Variants in AGPAT3 observed in about 807,000 individuals in gnomAD.
AGPAT3 encodes 1-acyl-sn-glycerol-3-phosphate acyltransferase gamma.
In AGPAT3, 5 loss-of-function variants were observed where a neutral mutation model predicts 47.3. The observed-to-expected ratio is 0.11, with a 90% confidence interval of 0.06 to 0.22. The LOEUF is 0.22. Ranked by LOEUF, AGPAT3 falls within the 10% of genes least tolerant of loss-of-function variation. AGPAT3 has a pLI of 1.00. For missense variants in AGPAT3, 315 were observed against 493.0 expected (o/e 0.64, Z 3.42); for synonymous variants, 212 against 208.3 (o/e 1.02, Z -0.15).
chr21:43,887,686 G>A (rs892868743), intron 1 of AGPAT3, among the ~76,000 whole-genome samples: 9 of 152,262 alleles, frequency 5.9e-5, no homozygotes, highest in Admixed American at 4.6e-4. Flanking sequence ...ACAGAGTTTC[G>A]CTCTGTCACG....
At chr21:43,935,591 C>T (rs558335780) in intron 2 of AGPAT3, among the ~76,000 whole-genome samples, 41 of 152,338 alleles carry the variant, frequency 2.7e-4, no homozygotes, top group Admixed American at 8.5e-4. Flanking sequence ...GACCTGAGGC[C>T]GGGCCCACAG....
intron 2 of AGPAT3, chr21:43,950,853 T>G (rs1213753755): frequency 6.6e-6 from 1 of 152,262 alleles, no homozygotes; most frequent in Admixed American, 6.5e-5. Context: ...GAGGACCCAA[T>G]GCAGGGCCCG....
intron 1 of AGPAT3, among the ~76,000 whole-genome samples, chr21:43,890,674 A>G (rs570093674): frequency 6.0e-5 from 9 of 150,292 alleles, no homozygotes; most frequent in African/African-American, 2.0e-4. Flanking sequence ...CGGCCTCCCA[A>G]ATTGCTAGGA....
In AGPAT3 at chr21:43,904,406, C is replaced by T. The variant is rs143791221; in HGVS notation, c.-49+387C>T. 4.4e-3 allele frequency among the ~76,000 whole-genome samples: 675 copies of T among 152,334 alleles called. 5 individuals are homozygous for T. The highest frequency in any genetic ancestry group is 0.037 in the Middle Eastern group (11 of 294). On this transcript the variant is annotated intron_variant, in intron 2 of 9. Transcript: ENST00000291572. ...TGTTAGCAGCCCAGGAAGTCCACCC[C>T]TCTCCTGGAGACCGACTGGGAGCCG...
At chr21:43,924,478 C>T (rs536051285) in intron 2 of AGPAT3, among the ~76,000 whole-genome samples, 57 of 152,342 alleles carry the variant, frequency 3.7e-4, no homozygotes, top group Non-Finnish European at 7.1e-4. Context: ...GCTTATCACA[C>T]AGCTCCCCAG....
chr21:43,901,435 G>A (rs972574452), intron 1 of AGPAT3, among the ~76,000 whole-genome samples: 2 of 49,816 alleles, frequency 4.0e-5, no homozygotes, highest in Admixed American at 2.6e-4. Context: ...TATGTTCCAC[G>A]TGTTCAATCA....
Position 43,955,246 on chromosome 21 carries a change from A to C in AGPAT3, c.-48-4388A>C. Reference sequence around the variant, plus strand: ...TGTTTGTGAACCTCTAGAAAAGGTAAATTAACCTATAGAGCTGGAAAGCTG... The same window carrying C: ...TGTTTGTGAACCTCTAGAAAAGGTACATTAACCTATAGAGCTGGAAAGCTG... On this transcript the variant is annotated intron_variant, in intron 2 of 9. Coordinates refer to ENST00000291572, the MANE Select transcript of AGPAT3 (RefSeq NM_020132.5). The surrounding 1 kb of genome is among the most constrained non-coding windows in gnomAD (Gnocchi z 4.1). 1 of 1,215,606 alleles carries C rather than the reference A, an allele frequency of 8.2e-7. No homozygotes were observed. Among genetic ancestry groups the C allele is most frequent in the Non-Finnish European group, 1.1e-6 (1 of 946,130 alleles). The allele number at this position is 1,215,606 out of a possible 1,614,324, so 75.3% of individuals were successfully genotyped here.
At chr21:43,891,211 C>T (rs74862850) in intron 1 of AGPAT3, among the ~76,000 whole-genome samples, 1 of 152,218 alleles carries the variant, frequency 6.6e-6, no homozygotes, top group East Asian at 1.9e-4. Flanking sequence ...CCTCTCAAAC[C>T]CTGCAGCTGT....
At position 43,955,163 on chromosome 21, in the gene AGPAT3, CG is replaced by C; in HGVS notation, c.-48-4467del. 7.8e-7 allele frequency: 1 copy of C among 1,275,526 alleles called. No individual in the cohort carries two copies. The highest frequency in any genetic ancestry group is 1.0e-6 in the Non-Finnish European group (1 of 980,218). The allele number at this position is 1,275,526 out of a possible 1,614,324, so 79.0% of individuals were successfully genotyped here. ...CACGGATGCGCCCTGGGTGCTGTCCCGGGGCCGTCTCAGAAGCACCGCGCTG... is the reference window on the plus strand; with the variant it reads ...CACGGATGCGCCCTGGGTGCTGTCCCGGGCCGTCTCAGAAGCACCGCGCTG... On this transcript the variant is annotated intron_variant, in intron 2 of 9. Coordinates refer to ENST00000291572, the MANE Select transcript of AGPAT3 (RefSeq NM_020132.5). This position sits in a 1 kb window ranked among gnomAD's most constrained non-coding sequence, Gnocchi z 4.1.
At position 43,955,026 on chromosome 21, in the gene AGPAT3, G is replaced by A. The variant is rs143830431; in HGVS notation, c.-48-4608G>A. 8 of 1,172,730 alleles carry A rather than the reference G, an allele frequency of 6.8e-6. No individual in the cohort carries two copies. The highest frequency in any genetic ancestry group is 3.1e-4 in the Middle Eastern group (1 of 3,246). The allele number at this position is 1,172,730 out of a possible 1,614,324, so 72.6% of individuals were successfully genotyped here. A position where few individuals can be genotyped will look rare whatever the true frequency, so the allele number is the denominator to read the frequency against. On this transcript the variant is annotated intron_variant, in intron 2 of 9. Coordinates refer to ENST00000291572, the MANE Select transcript of AGPAT3 (RefSeq NM_020132.5). This position sits in a 1 kb window ranked among gnomAD's most constrained non-coding sequence, Gnocchi z 4.1. ...GCTGCATCCACACAGAGGCTGGGAC[G>A]TGAATGTGCATCACGGCTCTATCTG...
intron 2 of AGPAT3, among the ~76,000 whole-genome samples, chr21:43,935,681 TGGAAAG>T (rs1203019307): frequency 6.6e-6 from 1 of 151,528 alleles, no homozygotes; most frequent in Non-Finnish European, 1.5e-5. Flanking sequence ...TATTCAGACA[TGGAAAG>T]GGAACGACTC....
chr21:43,971,151 AG>A (rs1470532495), intron 6 of AGPAT3, among the ~76,000 whole-genome samples: 2 of 152,254 alleles, frequency 1.3e-5, no homozygotes, highest in African/African-American at 4.8e-5. Context: ...TCACAGCGTC[AG>A]TACCCATGGG....
At chr21:43,896,795 G>A (rs528983315) in intron 1 of AGPAT3, among the ~76,000 whole-genome samples, 22 of 152,132 alleles carry the variant, frequency 1.4e-4, no homozygotes, top group African/African-American at 4.1e-4. Flanking sequence ...TTAATATAGC[G>A]GCACCAGCTG....
At chr21:43,965,991 T>C (rs1360277936) in intron 3 of AGPAT3, 1 of 152,168 alleles carries the variant, frequency 6.6e-6, no homozygotes, top group Non-Finnish European at 1.5e-5. Context: ...GGGAAGCATG[T>C]ATTTGAGTGA....
rs1346906224 is a variant in AGPAT3, at chr21:43,986,398, AT to A, written c.*4007del. 1 of 152,624 alleles carries A rather than the reference AT, an allele frequency of 6.6e-6. No individual in the cohort carries two copies. Among genetic ancestry groups the A allele is most frequent in the Non-Finnish European group, 1.5e-5 (1 of 68,046 alleles). The allele number at this position is 152,624 out of a possible 1,614,324, so 9.5% of individuals were successfully genotyped here. On this transcript the variant is annotated 3_prime_UTR_variant, in exon 10 of 10. Transcript: ENST00000291572. ...TTGTCTTAGAATTTGAAGCTGTGTA[AT>A]GACAATGTCACCTGGAGTTCGTCTC...
chr21:43,897,821 A>G (rs1370560565), intron 1 of AGPAT3, among the ~76,000 whole-genome samples: 2 of 152,168 alleles, frequency 1.3e-5, no homozygotes, highest in Non-Finnish European at 2.9e-5. Context: ...GCGAGCCGAG[A>G]TCACGCCTCT....
At chr21:43,868,545 T>C (rs781540974) in intron 1 of AGPAT3, among the ~76,000 whole-genome samples, 2 of 152,056 alleles carry the variant, frequency 1.3e-5, no homozygotes, top group Non-Finnish European at 2.9e-5. Context: ...GAGAATGAAA[T>C]GCATAATAAA....
At chr21:43,910,001 A>T (rs1474573256) in intron 2 of AGPAT3, among the ~76,000 whole-genome samples, 1 of 152,078 alleles carries the variant, frequency 6.6e-6, no homozygotes, top group Admixed American at 6.5e-5. Flanking sequence ...GAGACCTAGG[A>T]CGCATCCTGG....
intron 3 of AGPAT3, among the ~76,000 whole-genome samples, chr21:43,960,417 C>T (rs2088773741): frequency 6.6e-6 from 1 of 152,204 alleles, no homozygotes; most frequent in South Asian, 2.1e-4. Context: ...CCACTGTGGA[C>T]AGGTAACCGC....
Sources: allele counts gnomAD v4.1 joint callset (sites outside exome capture counted in the v4.1 genomes callset), GRCh38; gene constraint gnomAD v4.1.1; non-coding constraint Gnocchi (gnomAD v3.1); transcripts MANE v1.5; gene names NCBI Gene and HGNC (gene_info 2026-07-23, HGNC 2026-07-21).